COL26A1: variants seen among roughly 807,000 people sequenced by gnomAD.
The protein encoded by COL26A1 is collagen alpha-1(XXVI) chain.
A neutral mutation model predicts 59.3 loss-of-function variants in COL26A1; 41 were observed. The observed-to-expected ratio is 0.69, with a 90% confidence interval of 0.54 to 0.90. The LOEUF (loss-of-function observed/expected upper bound fraction) is 0.90. Ranked by LOEUF, COL26A1 falls within the 40% of genes least tolerant of loss-of-function variation. The pLI is 0.00. For missense variants in COL26A1, 612 were observed against 602.3 expected, an observed-to-expected ratio of 1.02 and a Z score of -0.17; for synonymous variants, 266 against 256.0, an observed-to-expected ratio of 1.04 and a Z score of -0.37.
chr7:101,457,491 G>C (rs981755444), intron 3 of COL26A1, among the ~76,000 whole-genome samples: 8 of 152,158 alleles, frequency 5.3e-5, no homozygotes, highest in Non-Finnish European at 1.0e-4. Flanking sequence ...TTTAGGGAGA[G>C]AGTGTTATCA....
At chr7:101,491,261 G>A (rs967959642) in intron 3 of COL26A1, among the ~76,000 whole-genome samples, 9 of 152,008 alleles carry the variant, frequency 5.9e-5, no homozygotes, top group African/African-American at 1.7e-4. Flanking sequence ...CAGGGGTGTC[G>A]TATTGGTGGC....
In COL26A1 at chr7:101,492,423, G is replaced by A. The variant is rs539654762; in HGVS notation, c.386-40659G>A. On this transcript the variant is annotated intron_variant, in intron 3 of 12. Transcript: ENST00000313669. ...TTTAAAATAGAGTTGCAGGCCGGGC[G>A]CGGTGGCTCATGCCTGTAATCTCAG... 4.5e-4 allele frequency among the ~76,000 whole-genome samples: 69 copies of A among 151,984 alleles called. 1 individual carries two copies. Among genetic ancestry groups the A allele is most frequent in the Admixed American group, 2.5e-3 (38 of 15,216 alleles).
chr7:101,419,955 G>T, intron 1 of COL26A1, 22 bp from the exon 2 acceptor site: 1 of 1,612,164 alleles, frequency 6.2e-7, no homozygotes, highest in Middle Eastern at 1.7e-4. Flanking sequence ...CAGGGCTCAT[G>T]TGACTGTTGC....
At chr7:101,469,419 C>T (rs1007618118) in intron 3 of COL26A1, among the ~76,000 whole-genome samples, 2 of 151,994 alleles carry the variant, frequency 1.3e-5, no homozygotes, top group Non-Finnish European at 2.9e-5. Context: ...ACTGCTCCCA[C>T]GTCAGATGCC....
intron 1 of COL26A1, among the ~76,000 whole-genome samples, chr7:101,385,339 A>G (rs201661700): frequency 3.3e-4 from 46 of 141,324 alleles, no homozygotes; most frequent in African/African-American, 1.1e-3. Context: ...CTAAATATGT[A>G]TATATATATA....
chr7:101,362,986 C>T lies in COL26A1; in HGVS notation c.-47C>T, dbSNP rs770372164. 3.5e-5 allele frequency: 53 copies of T among 1,533,340 alleles called. 1 individual carries two copies. In the South Asian group the frequency reaches 6.2e-4, roughly 18 times the overall value. 95.0% of individuals were successfully genotyped at this position (1,533,340 alleles called of 1,614,324 possible). On this transcript the variant is annotated 5_prime_UTR_variant, in exon 1 of 13. Transcript: ENST00000313669. ...GGTCCGGGCGCCGGTGCGCTCCTGC[C>T]GGTCCTCGTGCCCGGGACTCCGGGT...
chr7:101,389,474 G>T (rs949955377), intron 1 of COL26A1, among the ~76,000 whole-genome samples: 5 of 151,482 alleles, frequency 3.3e-5, no homozygotes, highest in African/African-American at 7.3e-5. Context: ...CTGCCTCTGG[G>T]GCTCAAGCGA....
At chr7:101,478,897 A>C (rs34915107) in intron 3 of COL26A1, among the ~76,000 whole-genome samples, 52,644 of 151,944 alleles carry the variant, frequency 0.35, 9,566 homozygotes, top group Middle Eastern at 0.46. Context: ...TTGCTTTTTC[A>C]CTTGACAAAA....
chr7:101,377,434 T>A (rs1030764047), intron 1 of COL26A1, among the ~76,000 whole-genome samples: 1 of 151,794 alleles, frequency 6.6e-6, no homozygotes, highest in African/African-American at 2.4e-5. Context: ...GTGACTCACT[T>A]TTTTTTTGGA....
At chr7:101,546,926 T>G (rs545814975) in intron 7 of COL26A1, among the ~76,000 whole-genome samples, 40 of 152,214 alleles carry the variant, frequency 2.6e-4, no homozygotes, top group African/African-American at 8.9e-4. Context: ...CTAGAAGGTA[T>G]TTATGTTTTA....
At chr7:101,556,532 T>G (rs1795978504) in intron 12 of COL26A1, among the ~76,000 whole-genome samples, 1 of 151,826 alleles carries the variant, frequency 6.6e-6, no homozygotes, top group Non-Finnish European at 1.5e-5. Context: ...GGTGGATAGG[T>G]GGATGAGTGA....
intron 1 of COL26A1, among the ~76,000 whole-genome samples, chr7:101,373,944 CGTGT>C (rs1442932698): frequency 6.6e-6 from 1 of 152,180 alleles, no homozygotes; most frequent in African/African-American, 2.4e-5. Context: ...GGCTCGAACT[CGTGT>C]GACACTTCAT....
At chr7:101,489,733 C>T (rs1372484321) in intron 3 of COL26A1, among the ~76,000 whole-genome samples, 1 of 98,622 alleles carries the variant, frequency 1.0e-5, no homozygotes, top group African/African-American at 6.6e-5. Context: ...TTCTCTCTCT[C>T]TTTCTCTCTT....
intron 3 of COL26A1, among the ~76,000 whole-genome samples, chr7:101,507,433 G>T (rs1285718935): frequency 6.6e-6 from 1 of 151,730 alleles, no homozygotes; most frequent in African/African-American, 2.4e-5. Context: ...TTGGGTGGGG[G>T]GAGCAGGAGA....
chr7:101,501,158 C>T (rs1422623001), intron 3 of COL26A1, among the ~76,000 whole-genome samples: 1 of 139,978 alleles, frequency 7.1e-6, no homozygotes, highest in Non-Finnish European at 1.5e-5. Context: ...TGCACTTCAG[C>T]CTGGGCTACA....
intron 3 of COL26A1, among the ~76,000 whole-genome samples, chr7:101,471,602 C>T (rs1465437062): frequency 1.2e-5 from 1 of 82,872 alleles, no homozygotes; most frequent in African/African-American, 4.9e-5. Context: ...TTTTTTGAGA[C>T]AGAGTCTCAC....
In COL26A1 at chr7:101,557,690, C is replaced by T. The variant is rs543418033; in HGVS notation, c.*160C>T. The T allele has an allele frequency of 2.7e-6, 2 of 747,386 alleles. No individual in the cohort carries two copies. Among genetic ancestry groups the T allele is most frequent in the East Asian group, 5.5e-5 (2 of 36,274 alleles). The allele number at this position is 747,386 out of a possible 1,614,324, so 46.3% of individuals were successfully genotyped here. On this transcript the variant is annotated 3_prime_UTR_variant, in exon 13 of 13. Coordinates refer to ENST00000313669, the MANE Select transcript of COL26A1 (RefSeq NM_001278563.3). ...TGGGGACAGATAATGTCTCCAGGGGCAGGGTCTGGAGGGGCCAACACCCTC... is the reference window on the plus strand; with the variant it reads ...TGGGGACAGATAATGTCTCCAGGGGTAGGGTCTGGAGGGGCCAACACCCTC...
At position 101,498,058 on chromosome 7, in the gene COL26A1, G is replaced by A. The variant is rs192856251; in HGVS notation, c.386-35024G>A. 5.3e-5 allele frequency among the ~76,000 whole-genome samples: 8 copies of A among 152,324 alleles called. No homozygotes were observed. In the East Asian group the frequency reaches 1.5e-3, roughly 29 times the overall value. On this transcript the variant is annotated intron_variant, in intron 3 of 12. Coordinates refer to ENST00000313669, the MANE Select transcript of COL26A1 (RefSeq NM_001278563.3). ...AAAAGGACTGAGAAAAGCTAACACA[G>A]AGAACAAAAAGCCAATTGGTCATTT...
At chr7:101,506,744 A>G (rs1794819824) in intron 3 of COL26A1, among the ~76,000 whole-genome samples, 1 of 152,218 alleles carries the variant, frequency 6.6e-6, no homozygotes, top group Non-Finnish European at 1.5e-5. Context: ...GCTCTGCAAG[A>G]TGGTTTGGAC....
Sources: allele counts gnomAD v4.1 joint callset (sites outside exome capture counted in the v4.1 genomes callset), GRCh38; gene constraint gnomAD v4.1.1; transcripts MANE v1.5; gene names NCBI Gene and HGNC (gene_info 2026-07-23, HGNC 2026-07-21).